Variants in PLPPR2 observed in about 807,000 individuals in gnomAD.
PLPPR2 encodes the protein phospholipid phosphatase related 2, also known as phospholipid phosphatase-related protein type 2.
PLPPR2 carries 11 observed loss-of-function variants against 40.3 expected under a neutral mutation model. That is an observed-to-expected ratio of 0.27 (90% CI 0.17 to 0.45). PLPPR2 has a LOEUF of 0.45. Among genes scored for constraint, PLPPR2 ranks in the 20% least tolerant of loss-of-function variants. PLPPR2 has a pLI of 1.00. For synonymous variants in PLPPR2, 260 were observed against 290.8 expected (o/e 0.89, Z 1.08); for missense variants, 497 against 640.7 (o/e 0.78, Z 2.42).
In PLPPR2 at chr19:11,364,127, C is replaced by T; in HGVS notation, c.964-34C>T. 6.3e-7 allele frequency: 1 copy of T among 1,594,868 alleles called. No homozygotes were observed. The highest frequency in any genetic ancestry group is 8.6e-7 in the Non-Finnish European group (1 of 1,169,574). On this transcript the variant is annotated intron_variant, in intron 8 of 9. Coordinates refer to ENST00000688289, the MANE Select transcript of PLPPR2 (RefSeq NM_001393892.1). The surrounding 1 kb of genome is among the most constrained non-coding windows in gnomAD (Gnocchi z 5.8). ...GCTGTGGCCGGTAGGGCCCAGGGGG[C>T]CACTAGCCCCTTCCGTCTGTCTCTT...
At chr19:11,356,045 A>T (rs1967861468) in intron 1 of PLPPR2, among the ~76,000 whole-genome samples, 1 of 151,502 alleles carries the variant, frequency 6.6e-6, no homozygotes, top group African/African-American at 2.4e-5. Flanking sequence ...TTGTGTGCAT[A>T]GGACTGTCAT....
rs1224311648 is a variant in PLPPR2 at position 11,364,125 on chromosome 19, G to A, written c.964-36G>A. 1.3e-6 allele frequency: 2 copies of A among 1,589,604 alleles called. No homozygotes were observed. Among genetic ancestry groups the A allele is most frequent in the African/African-American group, 1.3e-5 (1 of 74,232 alleles). ...TGGCTGTGGCCGGTAGGGCCCAGGG[G>A]GCCACTAGCCCCTTCCGTCTGTCTC... On this transcript the variant is annotated intron_variant, in intron 8 of 9. Transcript: ENST00000688289. The surrounding 1 kb of genome is among the most constrained non-coding windows in gnomAD (Gnocchi z 5.8).
rs756004948 is a variant in PLPPR2, at chr19:11,363,686, C to T, written c.841-27C>T. The stretch of plus-strand genomic sequence containing the variant: ...CTCCTATGTGACTTGCCCCAGGCCT[C>T]AACACTCTCCTCTCCCTCTATTCCA... On this transcript the variant is annotated intron_variant, in intron 7 of 9. Coordinates refer to ENST00000688289, the MANE Select transcript of PLPPR2 (RefSeq NM_001393892.1). This position sits in a 1 kb window ranked among gnomAD's most constrained non-coding sequence, Gnocchi z 4.8. 2.7e-5 allele frequency: 43 copies of T among 1,597,612 alleles called. 1 individual carries two copies. In the South Asian group the frequency reaches 4.8e-4, roughly 18 times the overall value.
intron 3 of PLPPR2, among the ~76,000 whole-genome samples, chr19:11,358,789 A>G (rs1216258472): frequency 6.6e-6 from 1 of 150,536 alleles, no homozygotes; most frequent in Admixed American, 6.6e-5. Flanking sequence ...ATCTTGGCTC[A>G]CTGCAAACTC....
At position 11,362,348 on chromosome 19, in the gene PLPPR2, C is replaced by T; in HGVS notation, c.664-165C>T. The T allele has an allele frequency of 1.7e-6, 1 of 593,416 alleles. No homozygotes were observed. Among genetic ancestry groups the T allele is most frequent in the East Asian group, 3.6e-5 (1 of 28,094 alleles). The allele number at this position is 593,416 out of a possible 1,614,324, so 36.8% of individuals were successfully genotyped here. A position where few individuals can be genotyped will look rare whatever the true frequency, so the allele number is the denominator to read the frequency against. On this transcript the variant is annotated intron_variant, in intron 6 of 9. Coordinates refer to ENST00000688289, the MANE Select transcript of PLPPR2 (RefSeq NM_001393892.1). This position sits in a 1 kb window ranked among gnomAD's most constrained non-coding sequence, Gnocchi z 5.3. Reference sequence around the variant, plus strand: ...CCCCCCCTTTGCCTTTTTGGTCACGCTCCCTGGAAAAGCCCACTGGGAGCC... The same window carrying T: ...CCCCCCCTTTGCCTTTTTGGTCACGTTCCCTGGAAAAGCCCACTGGGAGCC...
In PLPPR2 at chr19:11,364,105, G is replaced by A. The variant is rs1344270097; in HGVS notation, c.964-56G>A. 2 of 1,557,450 alleles carry A rather than the reference G, an allele frequency of 1.3e-6. No individual in the cohort carries two copies. The highest frequency in any genetic ancestry group is 2.7e-5 in the African/African-American group (2 of 73,022). ...TTCACCTGATGAGCTCCTTGTGGCTGTGGCCGGTAGGGCCCAGGGGGCCAC... is the reference window on the plus strand; with the variant it reads ...TTCACCTGATGAGCTCCTTGTGGCTATGGCCGGTAGGGCCCAGGGGGCCAC... On this transcript the variant is annotated intron_variant, in intron 8 of 9. Coordinates refer to ENST00000688289, the MANE Select transcript of PLPPR2 (RefSeq NM_001393892.1). The surrounding 1 kb of genome is among the most constrained non-coding windows in gnomAD (Gnocchi z 5.8).
Position 11,364,419 on chromosome 19 carries a change from C to T in PLPPR2, c.1088C>T (p.Ser363Leu), listed in dbSNP as rs753524744. 57 of 1,519,902 alleles carry T rather than the reference C, an allele frequency of 3.8e-5. No individual in the cohort carries two copies. Among genetic ancestry groups the T allele is most frequent in the Non-Finnish European group, 3.8e-5 (43 of 1,136,934 alleles). 94.2% of individuals were successfully genotyped at this position (1,519,902 alleles called of 1,614,324 possible). The change falls in exon 10 of 10, where the codon TCG becomes TTG. Residue 363 changes from serine to leucine, a missense_variant. Transcript: ENST00000688289. The surrounding 1 kb of genome is among the most constrained non-coding windows in gnomAD (Gnocchi z 5.8). ...CVSSRAPAMC[S>L]SPRVPRPRLR... ...TCCTCCAGGGCCCCAGCCATGTGTTCGTCGCCCCGTGTGCCCCGTCCTCGA... is the reference window on the plus strand; with the variant it reads ...TCCTCCAGGGCCCCAGCCATGTGTTTGTCGCCCCGTGTGCCCCGTCCTCGA...
rs1173729111 is a variant in PLPPR2, at chr19:11,361,747, A to G, written c.663+259A>G. 6.6e-6 allele frequency among the ~76,000 whole-genome samples: 1 copy of G among 151,900 alleles called. No homozygotes were observed. Among genetic ancestry groups the G allele is most frequent in the Non-Finnish European group, 1.5e-5 (1 of 67,952 alleles). ...GCCTCCTGAGCCAGTAATGCGAGGG[A>G]AACTGTTGGCTCTACCCTATGGCAT... On this transcript the variant is annotated intron_variant, in intron 6 of 9. Transcript: ENST00000688289. The surrounding 1 kb of genome is among the most constrained non-coding windows in gnomAD (Gnocchi z 6.3).
rs940275446 is a variant in PLPPR2, at chr19:11,361,795, G to A, written c.663+307G>A. 2.6e-5 allele frequency among the ~76,000 whole-genome samples: 4 copies of A among 152,050 alleles called. No individual in the cohort carries two copies. Among genetic ancestry groups the A allele is most frequent in the African/African-American group, 9.7e-5 (4 of 41,404 alleles). Reference sequence around the variant, plus strand: ...CATCAGGACAGTCCCTGATGTGCAAGACTCGGAACCCCTATAGCCTAGCCA... The same window carrying A: ...CATCAGGACAGTCCCTGATGTGCAAAACTCGGAACCCCTATAGCCTAGCCA... On this transcript the variant is annotated intron_variant, in intron 6 of 9. Coordinates refer to ENST00000688289, the MANE Select transcript of PLPPR2 (RefSeq NM_001393892.1). This position sits in a 1 kb window ranked among gnomAD's most constrained non-coding sequence, Gnocchi z 6.3.
In PLPPR2 at chr19:11,359,483, CCT is replaced by C; in HGVS notation, c.67-42_67-41del. 2 of 1,488,618 alleles carry C rather than the reference CCT, an allele frequency of 1.3e-6. No homozygotes were observed. The highest frequency in any genetic ancestry group is 1.8e-6 in the Non-Finnish European group (2 of 1,114,710). The allele number at this position is 1,488,618 out of a possible 1,614,324, so 92.2% of individuals were successfully genotyped here. A position where few individuals can be genotyped will look rare whatever the true frequency, so the allele number is the denominator to read the frequency against. ...TCTGTGGCCTCAGCTGGAGTCCTGA[CCT>C]CTCTCTTCTCTCTCCGCCACCTCTC... On this transcript the variant is annotated intron_variant, in intron 3 of 9. Transcript: ENST00000688289. This position sits in a 1 kb window ranked among gnomAD's most constrained non-coding sequence, Gnocchi z 5.6.
Position 11,359,932 on chromosome 19 carries a change from G to T in PLPPR2, c.367G>T (p.Val123Leu). 6.2e-7 allele frequency: 1 copy of T among 1,610,498 alleles called. No individual in the cohort carries two copies. The highest frequency in any genetic ancestry group is 8.5e-7 in the Non-Finnish European group (1 of 1,178,058). ...GGCCTGCTGCCGCTTCAGCCCCCCA[G>T]TGCGGAGGCTGGTCCGCTTCCTGGG... ...SGACCRFSPPVRRLVRFLGVY... is the reference protein window; with the variant it reads ...SGACCRFSPPLRRLVRFLGVY... Residue 123 changes from valine to leucine, a missense_variant, in exon 5 of 10, where the codon GTG (valine) becomes TTG (leucine). Val to Leu is a conservative substitution (Grantham distance 32). Coordinates refer to ENST00000688289, the MANE Select transcript of PLPPR2 (RefSeq NM_001393892.1). This position sits in a 1 kb window ranked among gnomAD's most constrained non-coding sequence, Gnocchi z 5.6.
At position 11,362,945 on chromosome 19, in the gene PLPPR2, AAATC is replaced by A. The variant is rs1968091200; in HGVS notation, c.840+259_840+262del. Among the ~76,000 whole-genome samples, 3 of 152,378 alleles carry A rather than the reference AAATC, an allele frequency of 2.0e-5. No individual in the cohort carries two copies. In the South Asian group the frequency reaches 6.2e-4, roughly 32 times the overall value. ...TAATATTTTAACAAAACATTTTTAA[AAATC>A]AAAGTTAATACAAAACTATCATAAT... is the stretch of plus-strand genomic sequence containing the variant. On this transcript the variant is annotated intron_variant, in intron 7 of 9. Transcript: ENST00000688289. The surrounding 1 kb of genome is among the most constrained non-coding windows in gnomAD (Gnocchi z 5.3).
intron 5 of PLPPR2, among the ~76,000 whole-genome samples, chr19:11,360,759 T>C (rs1307434423): frequency 2.6e-5 from 4 of 152,004 alleles, no homozygotes; most frequent in Non-Finnish European, 4.4e-5. Flanking sequence ...CCTATAATGA[T>C]GGTCCCAGGG....
Position 11,359,992 on chromosome 19 carries a change from T to C in PLPPR2, c.391+36T>C, listed in dbSNP as rs1968000484. Reference sequence around the variant, plus strand: ...TGGCCTGGGGTCAGCCCCATGGTAATGGTGGGGAGGTGGGTATAGAAGAAA... The same window carrying C: ...TGGCCTGGGGTCAGCCCCATGGTAACGGTGGGGAGGTGGGTATAGAAGAAA... On this transcript the variant is annotated intron_variant, in intron 5 of 9. Coordinates refer to ENST00000688289, the MANE Select transcript of PLPPR2 (RefSeq NM_001393892.1). The surrounding 1 kb of genome is among the most constrained non-coding windows in gnomAD (Gnocchi z 5.6). The C allele has an allele frequency of 1.9e-6, 3 of 1,564,732 alleles. No individual in the cohort carries two copies. The highest frequency in any genetic ancestry group is 2.6e-6 in the Non-Finnish European group (3 of 1,154,272).
rs1203383948 is a variant in PLPPR2 at position 11,364,716 on chromosome 19, C to T, written c.*26C>T. 3 of 1,536,726 alleles carry T rather than the reference C, an allele frequency of 2.0e-6. No individual in the cohort carries two copies. The highest frequency in any genetic ancestry group is 2.4e-5 in the South Asian group (2 of 84,008). Reference sequence around the variant, plus strand: ...GGCCCGACCACCCACCCAGAATCTGCCCAGTCCCCACTTCTTCCCTGCCAC... The same window carrying T: ...GGCCCGACCACCCACCCAGAATCTGTCCAGTCCCCACTTCTTCCCTGCCAC... On this transcript the variant is annotated 3_prime_UTR_variant, in exon 10 of 10. Transcript: ENST00000688289. This position sits in a 1 kb window ranked among gnomAD's most constrained non-coding sequence, Gnocchi z 5.8.
Position 11,364,242 on chromosome 19 carries a change from A to C in PLPPR2, c.1015+30A>C. The C allele has an allele frequency of 1.3e-6, 2 of 1,595,880 alleles. No homozygotes were observed. The highest frequency in any genetic ancestry group is 8.6e-7 in the Non-Finnish European group (1 of 1,169,204). ...GTGTTGGGGGAGTGGGGGGCTAAAC[A>C]GGGGGACTTCCAGGTGGGCAGCCAC... On this transcript the variant is annotated intron_variant, in intron 9 of 9. Coordinates refer to ENST00000688289, the MANE Select transcript of PLPPR2 (RefSeq NM_001393892.1). The surrounding 1 kb of genome is among the most constrained non-coding windows in gnomAD (Gnocchi z 5.8).
Position 11,362,589 on chromosome 19 carries a change from C to G in PLPPR2, c.740C>G (p.Pro247Arg). ...TCGCTCTGCCTGGCCTTGCTGTGCCCGGCCTTCCTGGTGGGCGTGGTCCGC... is the reference window on the plus strand; with the variant it reads ...TCGCTCTGCCTGGCCTTGCTGTGCCGGGCCTTCCTGGTGGGCGTGGTCCGC... Reference protein sequence around the residue: ...KPSLCLALLCPAFLVGVVRVA... With the variant: ...KPSLCLALLCRAFLVGVVRVA... The change falls in exon 7 of 10, where the codon CCG becomes CGG. Residue 247 changes from proline (P) to arginine (R), a missense_variant. Coordinates refer to ENST00000688289, the MANE Select transcript of PLPPR2 (RefSeq NM_001393892.1). This position sits in a 1 kb window ranked among gnomAD's most constrained non-coding sequence, Gnocchi z 5.3. The G allele has an allele frequency of 6.2e-7, 1 of 1,613,346 alleles. No individual in the cohort carries two copies. The highest frequency in any genetic ancestry group is 1.3e-5 in the African/African-American group (1 of 75,062).
At chr19:11,356,592 C>T (rs1201023722) in intron 1 of PLPPR2, among the ~76,000 whole-genome samples, 2 of 151,800 alleles carry the variant, frequency 1.3e-5, no homozygotes, top group African/African-American at 4.8e-5. Flanking sequence ...TGCAAAGTGG[C>T]GCCCAGCACA....
rs921466158 is a variant in PLPPR2 at position 11,363,235 on chromosome 19, C to G, written c.841-478C>G. Among the ~76,000 whole-genome samples the G allele has an allele frequency of 4.7e-5, 7 of 149,800 alleles. No individual in the cohort carries two copies. Among genetic ancestry groups the G allele is most frequent in the African/African-American group, 1.7e-4 (7 of 40,498 alleles). On this transcript the variant is annotated intron_variant, in intron 7 of 9. Transcript: ENST00000688289. The surrounding 1 kb of genome is among the most constrained non-coding windows in gnomAD (Gnocchi z 4.8). ...GACGGAGGTTGCAGTGAACTGAGAT[C>G]GTGCCACCTCACTCCAGCCTGGGTG...
Sources: allele counts gnomAD v4.1 joint callset (sites outside exome capture counted in the v4.1 genomes callset), GRCh38; gene constraint gnomAD v4.1.1; non-coding constraint Gnocchi (gnomAD v3.1); transcripts MANE v1.5; gene names NCBI Gene and HGNC (gene_info 2026-07-23, HGNC 2026-07-21).